The following SORCS1 variants were observed in gnomAD, a reference collection of about 807,000 sequenced individuals.
SORCS1 encodes sortilin related VPS10 domain containing receptor 1, also known as VPS10 domain-containing receptor SorCS1.
SORCS1 carries 60 observed loss-of-function variants against 146.1 expected under a neutral mutation model. The ratio of observed to expected loss-of-function variants is 0.41; its 90% confidence interval spans 0.33 to 0.51. The LOEUF (loss-of-function observed/expected upper bound fraction) is 0.51, where lower values mean the gene tolerates loss of function less well. Among genes scored for constraint, SORCS1 ranks in the 20% least tolerant of loss-of-function variants. The pLI, the probability that SORCS1 is intolerant of heterozygous loss-of-function variation, is 0.21. For synonymous variants in SORCS1, 637 were observed against 584.0 expected (o/e 1.09, Z -1.31); for missense variants, 1,352 against 1,487.6 (o/e 0.91, Z 1.50).
At chr10:106,786,552 C>G (rs560821541) in intron 3 of SORCS1, among the ~76,000 whole-genome samples, 1 of 152,114 alleles carries the variant, frequency 6.6e-6, no homozygotes, top group Non-Finnish European at 1.5e-5. Context: ...CATGACCCAT[C>G]CTTGGAAGAC....
intron 1 of SORCS1, among the ~76,000 whole-genome samples, chr10:107,014,033 T>C (rs1957789366): frequency 6.6e-6 from 1 of 151,812 alleles, no homozygotes; most frequent in African/African-American, 2.4e-5. Flanking sequence ...GGCAGGCAGA[T>C]CACAAGGACA....
At chr10:106,878,165 C>CTTT (rs35701765) in intron 2 of SORCS1, among the ~76,000 whole-genome samples, 1 of 141,074 alleles carries the variant, frequency 7.1e-6, no homozygotes, top group African/African-American at 2.6e-5. Context: ...GCAGACAGGG[C>CTTT]TTTTTTTTTT....
At chr10:106,834,186 T>G (rs1948686985) in intron 2 of SORCS1, among the ~76,000 whole-genome samples, 1 of 152,192 alleles carries the variant, frequency 6.6e-6, no homozygotes, top group Admixed American at 6.5e-5. Context: ...AGCTGTAGTC[T>G]CCTATGGACA....
At chr10:106,999,320 TC>T (rs112821234) in intron 1 of SORCS1, among the ~76,000 whole-genome samples, 5,043 of 152,158 alleles carry the variant, frequency 0.033, 256 homozygotes, top group African/African-American at 0.11. Context: ...TAAGATCAGA[TC>T]TCTGGGCACT....
At position 106,751,058 on chromosome 10, in the gene SORCS1, C is replaced by CAAAAAA. The variant is rs35691571; in HGVS notation, c.959+10524_959+10529dup. On this transcript the variant is annotated intron_variant, in intron 5 of 25. Coordinates refer to ENST00000263054, the MANE Select transcript of SORCS1 (RefSeq NM_052918.5). ...TGGGCGACAGGGTGAGACTCCGTCT[C>CAAAAAA]AAAAAAAAAAAAAAAAAAAAAAAAA... Among the ~76,000 whole-genome samples, 9 of 22,444 alleles carry CAAAAAA rather than the reference C, an allele frequency of 4.0e-4. 3 individuals are homozygous for CAAAAAA. The highest frequency in any genetic ancestry group is 2.3e-3 in the East Asian group (3 of 1,286). 14.7% of individuals were successfully genotyped at this position (22,444 alleles called of 152,430 possible). A position where few individuals can be genotyped will look rare whatever the true frequency, so the allele number is the denominator to read the frequency against.
chr10:107,069,532 C>T (rs546270914), intron 1 of SORCS1, among the ~76,000 whole-genome samples: 23 of 152,092 alleles, frequency 1.5e-4, no homozygotes, highest in Non-Finnish European at 1.8e-4. Flanking sequence ...CCCACCACCA[C>T]GCCTGGCTAA....
intron 7 of SORCS1, among the ~76,000 whole-genome samples, chr10:106,707,486 C>A (rs1258548443): frequency 6.6e-6 from 1 of 152,138 alleles, no homozygotes; most frequent in East Asian, 1.9e-4. Context: ...CAGGCATGAC[C>A]CACTGTGCCC....
chr10:107,116,464 A>T (rs1170930485), intron 1 of SORCS1, among the ~76,000 whole-genome samples: 2 of 152,196 alleles, frequency 1.3e-5, no homozygotes, highest in Non-Finnish European at 2.9e-5. Context: ...ACATACGTAC[A>T]TACACAAGCA....
chr10:106,891,558 G>A (rs1174201638), intron 2 of SORCS1, among the ~76,000 whole-genome samples: 4 of 138,120 alleles, frequency 2.9e-5, no homozygotes, highest in Non-Finnish European at 6.1e-5. Flanking sequence ...GAAGTGCAGT[G>A]GCATCACCAT....
At position 106,579,202 on chromosome 10, in the gene SORCS1, G is replaced by A. The variant is rs1844748933; in HGVS notation, c.3371+167C>T. 1 of 1,614,080 alleles carries A rather than the reference G, an allele frequency of 6.2e-7. No individual in the cohort carries two copies. Among genetic ancestry groups the A allele is most frequent in the African/African-American group, 1.3e-5 (1 of 75,012 alleles). On this transcript the variant is annotated intron_variant, in intron 25 of 25. Coordinates refer to ENST00000263054, the MANE Select transcript of SORCS1 (RefSeq NM_052918.5). ...TGACTGACTGGACTGATCATCTCTT[G>A]TTCTTTCTCATTCTGCATCTGGGCA...
intron 2 of SORCS1, among the ~76,000 whole-genome samples, chr10:106,832,142 T>C (rs1368726587): frequency 1.3e-5 from 2 of 151,816 alleles, no homozygotes; most frequent in Non-Finnish European, 2.9e-5. Flanking sequence ...CTAAGAAATA[T>C]CGAAGAATTC....
chr10:106,972,774 T>G (rs1164540782), intron 1 of SORCS1, among the ~76,000 whole-genome samples: 2 of 152,212 alleles, frequency 1.3e-5, no homozygotes, highest in Non-Finnish European at 2.9e-5. Context: ...TCTAGCTAGA[T>G]GCAGGTAGGG....
chr10:106,725,705 C>T (rs1038726498), intron 6 of SORCS1, among the ~76,000 whole-genome samples: 9 of 151,650 alleles, frequency 5.9e-5, no homozygotes, highest in African/African-American at 1.9e-4. Context: ...CAGAGGCAGG[C>T]GGATCACTTG....
chr10:107,130,552 G>A (rs1479025464), intron 1 of SORCS1, among the ~76,000 whole-genome samples: 4 of 152,220 alleles, frequency 2.6e-5, no homozygotes, highest in Non-Finnish European at 1.5e-5. Flanking sequence ...TCGTAACAAC[G>A]GCCTCACATG....
chr10:106,778,555 A>C (rs887317234), intron 3 of SORCS1, among the ~76,000 whole-genome samples: 5 of 152,218 alleles, frequency 3.3e-5, no homozygotes, highest in Admixed American at 6.5e-5. Context: ...TCCTAAATTC[A>C]CAGGAATATT....
chr10:107,149,414 C>A (rs1968588932), intron 1 of SORCS1, among the ~76,000 whole-genome samples: 1 of 152,120 alleles, frequency 6.6e-6, no homozygotes, highest in South Asian at 2.1e-4. Flanking sequence ...TGGTAACCAT[C>A]CGATTCATCC....
intron 1 of SORCS1, among the ~76,000 whole-genome samples, chr10:107,117,486 G>A (rs1250966627): frequency 6.6e-6 from 1 of 152,138 alleles, no homozygotes; most frequent in Non-Finnish European, 1.5e-5. Context: ...CCAGAACTGT[G>A]AGGTCATGAG....
At chr10:106,932,256 G>A (rs1953459008) in intron 2 of SORCS1, among the ~76,000 whole-genome samples, 1 of 151,972 alleles carries the variant, frequency 6.6e-6, no homozygotes, top group Admixed American at 6.6e-5. Context: ...ATATATTTGA[G>A]TATATCCTGA....
At chr10:106,857,428 C>G (rs1018057541) in intron 2 of SORCS1, among the ~76,000 whole-genome samples, 4 of 152,216 alleles carry the variant, frequency 2.6e-5, no homozygotes, top group Admixed American at 2.0e-4. Context: ...TCACTGCCAA[C>G]AAGATGTCCT....
Sources: gnomAD v4.1 joint callset for allele counts (sites outside exome capture counted in the v4.1 genomes callset) on GRCh38, gnomAD v4.1.1 for gene constraint, MANE v1.5 for transcripts, NCBI Gene and HGNC (gene_info 2026-07-23, HGNC 2026-07-21) for gene names.